The following EYS variants were observed in gnomAD, a reference collection of about 807,000 sequenced individuals.
EYS encodes EGF-like photoreceptor maintenance factor, also known as protein eyes shut homolog.
A neutral mutation model predicts 282.1 loss-of-function variants in EYS; 250 were observed. The observed-to-expected ratio is 0.89, with a 90% confidence interval of 0.80 to 0.98. The LOEUF is 0.98. EYS is among the 50% of genes least tolerant of loss of function. The pLI, the probability that EYS is intolerant of heterozygous loss-of-function variation, is 0.00. For missense variants in EYS, 4,016 were observed against 3,709.0 expected (o/e 1.08, Z -2.15); for synonymous variants, 1,355 against 1,282.9 (o/e 1.06, Z -1.20).
chr6:64,682,614 C>T (rs1225435038), intron 22 of EYS, among the ~76,000 whole-genome samples: 1 of 152,146 alleles, frequency 6.6e-6, no homozygotes, highest in East Asian at 1.9e-4. Flanking sequence ...CCTAAACACA[C>T]TGTGCGCCCT....
intron 22 of EYS, among the ~76,000 whole-genome samples, chr6:64,790,688 A>G (rs766845755): frequency 1.7e-4 from 26 of 151,916 alleles, no homozygotes; most frequent in Non-Finnish European, 2.9e-4. Flanking sequence ...GACAAAGGAA[A>G]TAAGAACATG....
At chr6:65,573,521 T>G (rs1336566029) in intron 2 of EYS, among the ~76,000 whole-genome samples, 2 of 152,114 alleles carry the variant, frequency 1.3e-5, no homozygotes, top group African/African-American at 4.8e-5. Flanking sequence ...GGAAAGAAAC[T>G]TCTTCAGGAA....
chr6:64,445,725 C>G (rs975127833), intron 26 of EYS, among the ~76,000 whole-genome samples: 1 of 152,112 alleles, frequency 6.6e-6, no homozygotes, highest in Non-Finnish European at 1.5e-5. Context: ...GCTAGTCACT[C>G]CGTTTCCAAA....
intron 2 of EYS, among the ~76,000 whole-genome samples, chr6:65,549,797 G>A (rs1768532061): frequency 6.6e-6 from 1 of 152,158 alleles, no homozygotes; most frequent in South Asian, 2.1e-4. Flanking sequence ...GCTTCTCCCA[G>A]TCAACCCTGT....
At chr6:64,328,433 G>C (rs1392044060) in intron 29 of EYS, among the ~76,000 whole-genome samples, 1 of 152,148 alleles carries the variant, frequency 6.6e-6, no homozygotes, top group Non-Finnish European at 1.5e-5. Context: ...AGGCTGGAGG[G>C]AAGAAGGCCA....
intron 12 of EYS, among the ~76,000 whole-genome samples, chr6:65,097,355 T>G (rs1287871795): frequency 6.6e-6 from 1 of 150,458 alleles, no homozygotes; most frequent in African/African-American, 2.4e-5. Flanking sequence ...CAAGTATTGG[T>G]GAGGATGTAG....
Position 65,596,049 on chromosome 6 carries a change from A to T in EYS, c.-333+43729T>A, listed in dbSNP as rs146857871. On this transcript the variant is annotated intron_variant, in intron 2 of 42. Coordinates refer to ENST00000503581, the MANE Select transcript of EYS (RefSeq NM_001142800.2). ...TGAAGATGAATTGATATCTCTCATC[A>T]ACAGCCGGTAAAATTCTGAGGCCTG... Among the ~76,000 whole-genome samples the T allele has an allele frequency of 3.5e-3, 526 of 152,196 alleles. 1 individual carries two copies. The highest frequency in any genetic ancestry group is 0.012 in the African/African-American group (479 of 41,552).
At chr6:65,173,713 T>C (rs1023281740) in intron 12 of EYS, among the ~76,000 whole-genome samples, 15 of 151,182 alleles carry the variant, frequency 9.9e-5, no homozygotes, top group Admixed American at 4.0e-4. Context: ...TCATCTGACA[T>C]ACAGCTTAAT....
intron 36 of EYS, among the ~76,000 whole-genome samples, chr6:63,809,933 T>G (rs1204865715): frequency 1.3e-5 from 2 of 151,934 alleles, no homozygotes; most frequent in Non-Finnish European, 2.9e-5. Flanking sequence ...ATGTGACTAT[T>G]TTTTCCTTTT....
chr6:64,903,083 T>A (rs1021713545), intron 16 of EYS, among the ~76,000 whole-genome samples: 2 of 152,052 alleles, frequency 1.3e-5, no homozygotes, highest in African/African-American at 4.8e-5. Flanking sequence ...TTTCAACACA[T>A]TTGTGTCAGA....
At chr6:65,048,391 T>C (rs1432528437) in intron 13 of EYS, among the ~76,000 whole-genome samples, 3 of 151,876 alleles carry the variant, frequency 2.0e-5, no homozygotes, top group Non-Finnish European at 4.4e-5. Flanking sequence ...CATTGGACTG[T>C]CCAATCCTAT....
chr6:65,284,787 T>C lies in EYS; in HGVS notation c.2023+11076A>G, dbSNP rs564276055. ...TGGATGAATCCATAATACATAACTT[T>C]GTTGAAGCGTATTTAAAAATACCTA... On this transcript the variant is annotated intron_variant, in intron 12 of 42. Coordinates refer to ENST00000503581, the MANE Select transcript of EYS (RefSeq NM_001142800.2). Among the ~76,000 whole-genome samples, 105 of 152,218 alleles carry C rather than the reference T, an allele frequency of 6.9e-4. 1 individual carries two copies. The highest frequency in any genetic ancestry group is 2.5e-3 in the African/African-American group (103 of 41,584).
chr6:64,758,241 C>T (rs567885233), intron 22 of EYS, among the ~76,000 whole-genome samples: 4 of 152,268 alleles, frequency 2.6e-5, no homozygotes, highest in African/African-American at 9.6e-5. Context: ...ATTTACCTCA[C>T]TAGCCACTAT....
chr6:63,852,333 C>T (rs990755157), intron 36 of EYS, among the ~76,000 whole-genome samples: 4 of 151,996 alleles, frequency 2.6e-5, no homozygotes, highest in Admixed American at 1.3e-4. Flanking sequence ...AAACTACCAT[C>T]AGGTAATACT....
At chr6:64,493,883 C>T (rs533317612) in intron 26 of EYS, among the ~76,000 whole-genome samples, 6 of 151,462 alleles carry the variant, frequency 4.0e-5, no homozygotes. Flanking sequence ...ATTTTTCCTT[C>T]TTTTCAGAAC....
intron 30 of EYS, among the ~76,000 whole-genome samples, chr6:64,296,576 ATATATATACATATATATATATATTTTTT>A (rs1769015088): frequency 1.6e-3 from 9 of 5,780 alleles, no homozygotes; most frequent in African/African-American, 6.6e-3. Context: ...ATATATATAT[ATATATATACATATATATATATATTTTTT>A]TTTTTTTTTT....
chr6:64,931,187 A>G lies in EYS; in HGVS notation c.2381+14606T>C, dbSNP rs986920740. On this transcript the variant is annotated intron_variant, in intron 15 of 42. Coordinates refer to ENST00000503581, the MANE Select transcript of EYS (RefSeq NM_001142800.2). ...ATTCCATCAGACGTTCATTTATCTA[A>G]TTTTTTTCTCAAGGAATATAAGCAT... Among the ~76,000 whole-genome samples, 2 of 152,026 alleles carry G rather than the reference A, an allele frequency of 1.3e-5. 1 individual carries two copies. Among genetic ancestry groups the G allele is most frequent in the Non-Finnish European group, 2.9e-5 (2 of 67,990 alleles).
chr6:65,198,348 A>C (rs1419317898), intron 12 of EYS, among the ~76,000 whole-genome samples: 1 of 152,150 alleles, frequency 6.6e-6, no homozygotes, highest in East Asian at 1.9e-4. Context: ...GTTATAAATA[A>C]CTAGAAAGAA....
chr6:64,658,658 G>A (rs1412539415), intron 22 of EYS, among the ~76,000 whole-genome samples: 2 of 152,198 alleles, frequency 1.3e-5, no homozygotes, highest in Admixed American at 1.3e-4. Context: ...AGCGGAGGCT[G>A]CAGAACAGCG....
Sources: allele counts gnomAD v4.1 joint callset (sites outside exome capture counted in the v4.1 genomes callset), GRCh38; gene constraint gnomAD v4.1.1; transcripts MANE v1.5; gene names NCBI Gene and HGNC (gene_info 2026-07-23, HGNC 2026-07-21).